Variants in GCC2 observed in about 807,000 individuals in gnomAD.
GCC2 encodes GRIP and coiled-coil domain-containing protein 2.
GCC2 carries 120 observed loss-of-function variants against 210.6 expected under a neutral mutation model. The ratio of observed to expected loss-of-function variants is 0.57; its 90% CI spans 0.49 to 0.66. The LOEUF (loss-of-function observed/expected upper bound fraction) is 0.66. GCC2 is among the 30% of genes least tolerant of loss of function. GCC2 has a pLI of 0.00. For missense variants in GCC2, 1,868 were observed against 1,871.9 expected (o/e 1.00, Z 0.04); for synonymous variants, 703 against 652.7 (o/e 1.08, Z -1.17).
Position 108,471,129 on chromosome 2 carries a change from A to T in GCC2, c.1800A>T (p.Ile600=). Residue 600 remains isoleucine (I), a synonymous_variant, in exon 6 of 23, where the codon ATA becomes ATT. Transcript: ENST00000309863. ...NSLTEEKDDF[I]NKLKNSHEEM... ...TTACTGAGGAAAAAGATGATTTTAT[A>T]AATAAACTGAAAAATTCCCATGAAG... 1 of 1,584,392 alleles carries T rather than the reference A, an allele frequency of 6.3e-7. No individual in the cohort carries two copies. Among genetic ancestry groups the T allele is most frequent in the Non-Finnish European group, 8.6e-7 (1 of 1,158,040 alleles).
Position 108,492,702 on chromosome 2 carries a change from A to G in GCC2, c.4359A>G (p.Glu1453=). 1 of 1,614,078 alleles carries G rather than the reference A, an allele frequency of 6.2e-7. No homozygotes were observed. Among genetic ancestry groups the G allele is most frequent in the Non-Finnish European group, 8.5e-7 (1 of 1,179,904 alleles). Residue 1453 remains glutamate, a synonymous_variant, in exon 19 of 23, where the codon GAA becomes GAG. Transcript: ENST00000309863. ...FRDQVRHLQE[E]HRKTVETLQQ... is the part of the protein sequence containing the mutation. Reference sequence around the variant, plus strand: ...ATCAAGTGCGACATTTGCAGGAAGAACACAGAAAGACAGTGGAGACATTAC... The same window carrying G: ...ATCAAGTGCGACATTTGCAGGAAGAGCACAGAAAGACAGTGGAGACATTAC...
At chr2:108,497,416 AAAAT>A (rs1360692546) in intron 21 of GCC2, among the ~76,000 whole-genome samples, 1 of 152,204 alleles carries the variant, frequency 6.6e-6, no homozygotes, top group Non-Finnish European at 1.5e-5. Context: ...GCATCCAGCC[AAAAT>A]ACTTCTTTTA....
chr2:108,471,275 CAGG>C lies in GCC2; in HGVS notation c.1951_1953del (p.Gly651del), dbSNP rs772664758. Reference sequence around the variant, plus strand: ...CTAGAACAAAAGGTAAATGAATTAACAGGAGGACTAGAGGAGACTTTAAAAGAA... The same window carrying C: ...CTAGAACAAAAGGTAAATGAATTAACAGGACTAGAGGAGACTTTAAAAGAA... On this transcript the variant is annotated inframe_deletion, in exon 6 of 23. Transcript: ENST00000309863. The C allele has an allele frequency of 9.8e-5, 158 of 1,610,206 alleles. No homozygotes were observed. In the African/African-American group the frequency reaches 1.9e-3, roughly 19 times the overall value.
rs539887315 is a variant in GCC2, at chr2:108,470,301, A to G, written c.972A>G (p.Thr324=). Residue 324 remains threonine (T), a synonymous_variant, in exon 6 of 23, where the codon ACA becomes ACG. Coordinates refer to ENST00000309863, the MANE Select transcript of GCC2 (RefSeq NM_181453.4). ...QICSILLQEN[T]FVEQVVNEKV... ...GTTCTATTCTCTTGCAAGAAAATAC[A>G]TTTGTAGAACAAGTAGTAAATGAAA... 3 of 1,613,064 alleles carry G rather than the reference A, an allele frequency of 1.9e-6. No individual in the cohort carries two copies. Among genetic ancestry groups the G allele is most frequent in the South Asian group, 1.1e-5 (1 of 90,728 alleles).
chr2:108,459,192 A>G (rs770232520), intron 4 of GCC2, among the ~76,000 whole-genome samples: 2 of 152,028 alleles, frequency 1.3e-5, no homozygotes, highest in Non-Finnish European at 2.9e-5. Flanking sequence ...TTCCATTTTC[A>G]TTTGTTCCAA....
chr2:108,451,548 GTTGA>G (rs983971100), intron 3 of GCC2, among the ~76,000 whole-genome samples: 1 of 152,058 alleles, frequency 6.6e-6, no homozygotes, highest in African/African-American at 2.4e-5. Context: ...ACCTGCTGAA[GTTGA>G]TTGATTCCCT....
Position 108,471,582 on chromosome 2 carries a change from G to T in GCC2, c.2253G>T (p.Gln751His), listed in dbSNP as rs1681222023. The T allele has an allele frequency of 6.2e-7, 1 of 1,611,930 alleles. No individual in the cohort carries two copies. The highest frequency in any genetic ancestry group is 8.5e-7 in the Non-Finnish European group (1 of 1,179,198). ...LNKLLENEQV[Q>H]KLFVKTQLYG... ...AACTGCTTGAAAATGAGCAAGTTCAGAAGTTATTTGTTAAAACTCAGTTGT... is the reference window on the plus strand; with the variant it reads ...AACTGCTTGAAAATGAGCAAGTTCATAAGTTATTTGTTAAAACTCAGTTGT... Residue 751 changes from glutamine to histidine, a missense_variant, in exon 6 of 23, where the codon CAG (glutamine) becomes CAT (histidine). Transcript: ENST00000309863.
intron 4 of GCC2, among the ~76,000 whole-genome samples, chr2:108,462,221 A>G (rs1680627116): frequency 7.1e-6 from 1 of 141,148 alleles, no homozygotes; most frequent in Non-Finnish European, 1.5e-5. Context: ...GGCCGGGCGC[A>G]GTGGCTCACG....
At chr2:108,454,997 C>G (rs370514759) in intron 4 of GCC2, among the ~76,000 whole-genome samples, 1 of 151,870 alleles carries the variant, frequency 6.6e-6, no homozygotes, top group African/African-American at 2.4e-5. Flanking sequence ...TTAGAAAACA[C>G]TCTAGAAAGT....
At chr2:108,453,821 C>G (rs1475720650) in intron 4 of GCC2, among the ~76,000 whole-genome samples, 1 of 150,648 alleles carries the variant, frequency 6.6e-6, no homozygotes, top group Non-Finnish European at 1.5e-5. Flanking sequence ...ATCTGAGTTG[C>G]TTATTCTTAT....
chr2:108,483,872 A>C (rs1238378687), intron 12 of GCC2, among the ~76,000 whole-genome samples: 2 of 152,244 alleles, frequency 1.3e-5, no homozygotes, highest in Non-Finnish European at 2.9e-5. Flanking sequence ...TATAAATAAG[A>C]GCTCCGCAAG....
chr2:108,487,804 G>A lies in GCC2; in HGVS notation c.4036G>A (p.Gly1346Ser), dbSNP rs776653662. 5 of 1,613,102 alleles carry A rather than the reference G, an allele frequency of 3.1e-6. No individual in the cohort carries two copies. The highest frequency in any genetic ancestry group is 1.7e-4 in the Middle Eastern group (1 of 6,056). Residue 1346 changes from glycine (G) to serine (S), a missense_variant, in exon 17 of 23, where the codon GGC becomes AGC. Physicochemically the swap from Gly to Ser is moderately conservative, Grantham distance 56 (BLOSUM62 0). This residue lies in a region of GCC2 where 1,847 missense variants were observed against 1,765.2 expected (regional missense o/e 1.05). Transcript: ENST00000309863. ...NKSMSQAETE[G>S]AKQEREHLEM... ...ATCTATGTCTCAGGCTGAAACTGAG[G>A]GCGCTAAACAAGAAAGGTAAAGTCT...
At chr2:108,464,610 G>T (rs2577611) in intron 4 of GCC2, among the ~76,000 whole-genome samples, 33,279 of 152,058 alleles carry the variant, frequency 0.22, 4,007 homozygotes, top group African/African-American at 0.31. Flanking sequence ...CTGAGCATTG[G>T]GGAATTTCTC....
At chr2:108,497,241 C>T (rs1277153148) in intron 21 of GCC2, 132 bp downstream of exon 21, 56 of 1,470,984 alleles carry the variant, frequency 3.8e-5, no homozygotes, top group Non-Finnish European at 5.2e-5. Flanking sequence ...CTCAGCCTCC[C>T]GAGTAGCTGG....
At chr2:108,449,333 G>A in intron 1 of GCC2, 53 bp downstream of exon 1, 3 of 1,537,582 alleles carry the variant, frequency 2.0e-6, no homozygotes, top group Non-Finnish European at 1.8e-6. Flanking sequence ...GCCGCGATTT[G>A]GGATGTGGGA....
At chr2:108,476,053 G>T (rs1046093799) in intron 9 of GCC2, among the ~76,000 whole-genome samples, 22 of 77,258 alleles carry the variant, frequency 2.8e-4, no homozygotes, top group East Asian at 2.3e-3. Context: ...ATAGTGGCTT[G>T]CTTTTTTTTT....
At chr2:108,496,872 T>C (rs1305094862) in intron 20 of GCC2, 98 bp from the exon 21 acceptor site, 5 of 1,528,852 alleles carry the variant, frequency 3.3e-6, no homozygotes, top group South Asian at 1.2e-5. Context: ...CTATAAAATA[T>C]CACATAGTAA....
intron 21 of GCC2, among the ~76,000 whole-genome samples, chr2:108,498,087 A>C (rs1682732699): frequency 6.6e-6 from 1 of 152,096 alleles, no homozygotes; most frequent in African/African-American, 2.4e-5. Flanking sequence ...GCATCTCTAT[A>C]AAATAACATT....
In GCC2 at chr2:108,470,933, A is replaced by C. The variant is rs1681177105; in HGVS notation, c.1604A>C (p.Glu535Ala). ...TAFTEKDALL[E>A]TVNRLQGENE... ...TTTACTGAAAAAGATGCCCTTCTCGAAACTGTGAATCGCCTCCAGGGAGAA... is the reference window on the plus strand; with the variant it reads ...TTTACTGAAAAAGATGCCCTTCTCGCAACTGTGAATCGCCTCCAGGGAGAA... The change falls in exon 6 of 23, where the codon GAA becomes GCA. Residue 535 changes from glutamate (E) to alanine (A), a missense_variant. Transcript: ENST00000309863. 2 of 1,613,450 alleles carry C rather than the reference A, an allele frequency of 1.2e-6. No homozygotes were observed. Among genetic ancestry groups the C allele is most frequent in the Non-Finnish European group, 1.7e-6 (2 of 1,179,668 alleles).
Sources: allele counts gnomAD v4.1 joint callset (sites outside exome capture counted in the v4.1 genomes callset), GRCh38; gene constraint gnomAD v4.1.1; regional missense constraint gnomAD v4.1.1; transcripts MANE v1.5; gene names NCBI Gene and HGNC (gene_info 2026-07-23, HGNC 2026-07-21).